The following ITSN1 variants were observed in gnomAD, a reference collection of about 807,000 sequenced individuals.
ITSN1 encodes the protein intersectin 1.
In ITSN1, 58 loss-of-function variants were observed where a neutral mutation model predicts 239.8. That is an observed-to-expected ratio of 0.24 (90% CI 0.20 to 0.30). ITSN1 has a LOEUF of 0.30. ITSN1 is among the 10% of genes least tolerant of loss of function. ITSN1 has a pLI of 1.00. For synonymous variants in ITSN1, 780 were observed against 770.8 expected (o/e 1.01, Z -0.20); for missense variants, 1,558 against 2,103.3 (o/e 0.74, Z 5.07).
rs1299743083 is a variant in ITSN1, at chr21:33,774,684, T to C, written c.1306-45T>C. 3.8e-6 allele frequency: 6 copies of C among 1,586,872 alleles called. No individual in the cohort carries two copies. The Admixed American group carries it at 1.1e-4, about 29-fold the overall frequency. On this transcript the variant is annotated intron_variant, in intron 12 of 39. Transcript: ENST00000381318. ...ATTTTTGTGAAAAGACATTGTGTAG[T>C]GTAAGAACTGAAAAATTAGTAATTT...
chr21:33,691,355 G>A (rs2091538388), intron 1 of ITSN1, among the ~76,000 whole-genome samples: 1 of 152,158 alleles, frequency 6.6e-6, no homozygotes, highest in Admixed American at 6.5e-5. Context: ...CTCCACCTGG[G>A]ACAATTCTAA....
intron 1 of ITSN1, among the ~76,000 whole-genome samples, chr21:33,680,493 G>A (rs377099418): frequency 4.0e-5 from 6 of 151,798 alleles, no homozygotes; most frequent in African/African-American, 9.7e-5. Flanking sequence ...CACCACACCC[G>A]GCTAATTTTT....
intron 4 of ITSN1, among the ~76,000 whole-genome samples, chr21:33,726,766 C>T (rs1355569769): frequency 2.0e-5 from 3 of 152,170 alleles, no homozygotes; most frequent in African/African-American, 7.2e-5. Flanking sequence ...AAGCCGTCTG[C>T]CCGCCTCAGC....
chr21:33,874,498 G>T lies in ITSN1; in HGVS notation c.4174-856G>T, dbSNP rs1184738401. On this transcript the variant is annotated intron_variant, in intron 33 of 39. Transcript: ENST00000381318. ...CTCATCAGTGGGTTGATGGAACACT[G>T]CACATCAAATGCCAGAATTGCATTG... Among the ~76,000 whole-genome samples the T allele has an allele frequency of 4.6e-5, 7 of 152,304 alleles. No individual in the cohort carries two copies. In the East Asian group the frequency reaches 1.4e-3, roughly 29 times the overall value.
intron 29 of ITSN1, among the ~76,000 whole-genome samples, chr21:33,843,812 C>T (rs753430302): frequency 6.6e-6 from 1 of 152,156 alleles, no homozygotes; most frequent in Non-Finnish European, 1.5e-5. Flanking sequence ...AGTTATGTAA[C>T]CTCTTTGTGC....
At chr21:33,694,840 A>G (rs1412521505) in intron 1 of ITSN1, among the ~76,000 whole-genome samples, 1 of 152,150 alleles carries the variant, frequency 6.6e-6, no homozygotes, top group African/African-American at 2.4e-5. Flanking sequence ...AACAAAAAAC[A>G]GACAGGGTCT....
At chr21:33,734,857 T>C (rs1205749854) in intron 4 of ITSN1, among the ~76,000 whole-genome samples, 187 bp from the exon 5 acceptor site, 1 of 152,256 alleles carries the variant, frequency 6.6e-6, no homozygotes, top group Non-Finnish European at 1.5e-5. Flanking sequence ...AGATATTTTA[T>C]GTTTATATAA....
intron 15 of ITSN1, 139 bp downstream of exon 15, chr21:33,781,687 T>G: frequency 1.7e-6 from 1 of 592,024 alleles, no homozygotes; most frequent in Non-Finnish European, 2.9e-6. Flanking sequence ...TTCAAGATTC[T>G]CTTGCCTCAG....
At chr21:33,747,588 A>G (rs1187792854) in intron 5 of ITSN1, among the ~76,000 whole-genome samples, 1 of 152,206 alleles carries the variant, frequency 6.6e-6, no homozygotes, top group Non-Finnish European at 1.5e-5. Flanking sequence ...GAAAGCAGCA[A>G]GAGAAAAGCA....
At chr21:33,728,212 G>T (rs1465130730) in intron 4 of ITSN1, among the ~76,000 whole-genome samples, 4 of 152,028 alleles carry the variant, frequency 2.6e-5, no homozygotes, top group African/African-American at 9.7e-5. Flanking sequence ...TGATCCACCT[G>T]CCTCGGCCTC....
Position 33,894,772 on chromosome 21 carries a change from A to C in ITSN1, c.*6472A>C, listed in dbSNP as rs545385766. ...TTATTTCCTGCCGTTCCTGTATCTA[A>C]ACAGAATGGGGGCCTCAGGCAGACA... On this transcript the variant is annotated 3_prime_UTR_variant, in exon 40 of 40. Coordinates refer to ENST00000381318, the MANE Select transcript of ITSN1 (RefSeq NM_003024.3). 1 of 152,330 alleles carries C rather than the reference A, an allele frequency of 6.6e-6. No individual in the cohort carries two copies. Among genetic ancestry groups the C allele is most frequent in the East Asian group, 1.9e-4 (1 of 5,194 alleles). The allele number at this position is 152,330 out of a possible 1,614,324, so 9.4% of individuals were successfully genotyped here. A position where few individuals can be genotyped will look rare whatever the true frequency, so the allele number is the denominator to read the frequency against.
chr21:33,804,711 C>T (rs1318289023), intron 20 of ITSN1, among the ~76,000 whole-genome samples: 3 of 152,200 alleles, frequency 2.0e-5, no homozygotes, highest in Non-Finnish European at 4.4e-5. Flanking sequence ...CCTATGCTCA[C>T]TGCTGTTTTG....
At chr21:33,698,747 ATG>A (rs1320758198) in intron 1 of ITSN1, among the ~76,000 whole-genome samples, 1 of 152,086 alleles carries the variant, frequency 6.6e-6, no homozygotes, top group African/African-American at 2.4e-5. Flanking sequence ...TCTTGCCTTT[ATG>A]TGTAATCTTA....
At chr21:33,857,253 G>A (rs991792725) in intron 30 of ITSN1, among the ~76,000 whole-genome samples, 3 of 152,194 alleles carry the variant, frequency 2.0e-5, no homozygotes, top group Non-Finnish European at 2.9e-5. Context: ...GGAAATGGGG[G>A]GCCATCTGGC....
At chr21:33,803,612 G>A (rs187120530) in intron 20 of ITSN1, among the ~76,000 whole-genome samples, 25 of 152,256 alleles carry the variant, frequency 1.6e-4, no homozygotes, top group Admixed American at 1.4e-3. Flanking sequence ...ATAGTTAACA[G>A]TTTTGAAATA....
At chr21:33,663,179 A>G (rs531858232) in intron 1 of ITSN1, among the ~76,000 whole-genome samples, 1 of 152,380 alleles carries the variant, frequency 6.6e-6, no homozygotes, top group African/African-American at 2.4e-5. Context: ...TCAGGCAGTT[A>G]TAGTAATTGC....
At chr21:33,821,582 C>A (rs988603203) in intron 24 of ITSN1, among the ~76,000 whole-genome samples, 10 of 152,128 alleles carry the variant, frequency 6.6e-5, no homozygotes, top group African/African-American at 2.4e-4. Context: ...TCTGCCTATC[C>A]ATCATCATGT....
intron 1 of ITSN1, among the ~76,000 whole-genome samples, chr21:33,677,791 C>A (rs997475475): frequency 7.9e-5 from 12 of 152,178 alleles, no homozygotes; most frequent in African/African-American, 2.4e-4. Context: ...TATATCTACT[C>A]CATCATGAAG....
intron 5 of ITSN1, among the ~76,000 whole-genome samples, chr21:33,740,226 G>C (rs531976792): frequency 6.6e-6 from 1 of 152,292 alleles, no homozygotes; most frequent in South Asian, 2.1e-4. Context: ...AGGAGACAGG[G>C]ATGACTACGT....
Sources: gnomAD v4.1 joint callset for allele counts (sites outside exome capture counted in the v4.1 genomes callset) on GRCh38, gnomAD v4.1.1 for gene constraint, MANE v1.5 for transcripts, NCBI Gene and HGNC (gene_info 2026-07-23, HGNC 2026-07-21) for gene names.